The following TRAF3 variants were observed in gnomAD, a reference collection of about 807,000 sequenced individuals.
TRAF3 encodes the protein TNF receptor-associated factor 3.
A neutral mutation model predicts 62.3 loss-of-function variants in TRAF3; 13 were observed. The observed-to-expected ratio is 0.21, with a 90% CI of 0.14 to 0.33. The LOEUF (loss-of-function observed/expected upper bound fraction) is 0.33, where lower values mean the gene tolerates loss of function less well. Ranked by LOEUF, TRAF3 falls within the 10% of genes least tolerant of loss-of-function variation. TRAF3 has a pLI of 1.00. For synonymous variants in TRAF3, 269 were observed against 283.4 expected, an observed-to-expected ratio of 0.95 and a Z score of 0.51; for missense variants, 440 against 741.8, an observed-to-expected ratio of 0.59 and a Z score of 4.73.
In TRAF3 at chr14:102,908,859, T is replaced by A. The variant is rs1276304830; in HGVS notation, c.*3075T>A. 6.6e-6 allele frequency: 1 copy of A among 152,266 alleles called. No individual in the cohort carries two copies. The highest frequency in any genetic ancestry group is 6.5e-5 in the Admixed American group (1 of 15,292). The allele number at this position is 152,266 out of a possible 1,614,324, so 9.4% of individuals were successfully genotyped here. A position where few individuals can be genotyped will look rare whatever the true frequency, so the allele number is the denominator to read the frequency against. On this transcript the variant is annotated 3_prime_UTR_variant, in exon 12 of 12. Transcript: ENST00000392745. ...GGCTGCTCCCTGCTGCCAGGCACGC[T>A]GGTTGGCTGGCCTGGGCCCGGCTCA...
intron 2 of TRAF3, among the ~76,000 whole-genome samples, chr14:102,866,860 C>T (rs1888026284): frequency 7.1e-6 from 1 of 139,884 alleles, no homozygotes; most frequent in Non-Finnish European, 1.5e-5. Flanking sequence ...AACACACACA[C>T]ACACACACAC....
At chr14:102,788,980 A>G (rs1455446957) in intron 1 of TRAF3, among the ~76,000 whole-genome samples, 1 of 152,186 alleles carries the variant, frequency 6.6e-6, no homozygotes, top group Admixed American at 6.5e-5. Context: ...CTTAAAAAAG[A>G]AAAACAACTT....
intron 1 of TRAF3, among the ~76,000 whole-genome samples, chr14:102,822,158 T>TA (rs1900027319): frequency 6.6e-6 from 1 of 152,236 alleles, no homozygotes; most frequent in African/African-American, 2.4e-5. Flanking sequence ...AAAACCTGAA[T>TA]GTATTCTGGG....
chr14:102,900,179 G>GAAAAAAAAAAAAAAA (rs1566807952), intron 10 of TRAF3, among the ~76,000 whole-genome samples: 2 of 83,768 alleles, frequency 2.4e-5, no homozygotes, highest in African/African-American at 1.0e-4. Flanking sequence ...ACTCCGTCTC[G>GAAAAAAAAAAAAAAA]GAAAAAAAAA....
At chr14:102,889,670 C>T (rs1192967968) in intron 8 of TRAF3, 36 bp downstream of exon 8, 2 of 1,603,690 alleles carry the variant, frequency 1.2e-6, no homozygotes, top group Admixed American at 1.7e-5. Context: ...CAGTCACTGA[C>T]ATTCTGCCAT....
Position 102,832,596 on chromosome 14 carries a change from G to A in TRAF3, c.-18+2124G>A, listed in dbSNP as rs148748166. 2.5e-4 allele frequency among the ~76,000 whole-genome samples: 38 copies of A among 152,240 alleles called. 1 individual carries two copies. The East Asian group carries it at 6.8e-3, about 27-fold the overall frequency. Reference sequence around the variant, plus strand: ...GGCTGAGGCAGAATTGCTTGAACCCGGGAGGTGGAGGTTGCAGTGAGCCAA... The same window carrying A: ...GGCTGAGGCAGAATTGCTTGAACCCAGGAGGTGGAGGTTGCAGTGAGCCAA... On this transcript the variant is annotated intron_variant, in intron 2 of 11. Coordinates refer to ENST00000392745, the MANE Select transcript of TRAF3 (RefSeq NM_145725.3).
intron 2 of TRAF3, among the ~76,000 whole-genome samples, chr14:102,864,182 G>A (rs960909773): frequency 3.6e-5 from 5 of 139,234 alleles, no homozygotes; most frequent in Non-Finnish European, 6.1e-5. Context: ...GGATTCTTGC[G>A]CTCTCACCCG....
At chr14:102,840,075 A>G (rs1367115446) in intron 2 of TRAF3, among the ~76,000 whole-genome samples, 1 of 152,130 alleles carries the variant, frequency 6.6e-6, no homozygotes, top group African/African-American at 2.4e-5. Context: ...CCCCCAACCC[A>G]GGACTAGGGT....
chr14:102,789,883 A>C (rs1403895023), intron 1 of TRAF3, among the ~76,000 whole-genome samples: 1 of 151,370 alleles, frequency 6.6e-6, no homozygotes. Context: ...GCAGTGGTGC[A>C]GTGGCATGAT....
intron 2 of TRAF3, among the ~76,000 whole-genome samples, chr14:102,837,003 C>T (rs1886049904): frequency 6.6e-6 from 1 of 152,172 alleles, no homozygotes; most frequent in Non-Finnish European, 1.5e-5. Flanking sequence ...CTTCCATTCT[C>T]CCCTTGCTCT....
intron 1 of TRAF3, among the ~76,000 whole-genome samples, chr14:102,814,013 A>G (rs1284031864): frequency 6.6e-6 from 1 of 151,866 alleles, no homozygotes; most frequent in East Asian, 1.9e-4. Flanking sequence ...CATTTCCCCT[A>G]TGTTTTGTAG....
Position 102,905,887 on chromosome 14 carries a change from G to GA in TRAF3, c.*104dup. ...TCGCGCTCAGAAAAGGACCTTGTGA[G>GA]ACGGAGGAAGCGGCAGAAGGCGGAC... On this transcript the variant is annotated 3_prime_UTR_variant, in exon 12 of 12. Coordinates refer to ENST00000392745, the MANE Select transcript of TRAF3 (RefSeq NM_145725.3). 1 of 1,115,750 alleles carries GA rather than the reference G, an allele frequency of 9.0e-7. No homozygotes were observed. Among genetic ancestry groups the GA allele is most frequent in the Non-Finnish European group, 1.3e-6 (1 of 780,948 alleles). 69.1% of individuals were successfully genotyped at this position (1,115,750 alleles called of 1,614,324 possible).
At chr14:102,818,860 A>G (rs1899713118) in intron 1 of TRAF3, among the ~76,000 whole-genome samples, 1 of 152,168 alleles carries the variant, frequency 6.6e-6, no homozygotes, top group South Asian at 2.1e-4. Context: ...GAGGTGATGG[A>G]TAGATTAACT....
Position 102,826,826 on chromosome 14 carries a change from G to A in TRAF3, c.-156-3508G>A, listed in dbSNP as rs532173839. On this transcript the variant is annotated intron_variant, in intron 1 of 11. Transcript: ENST00000392745. The surrounding 1 kb of genome is among the most constrained non-coding windows in gnomAD (Gnocchi z 4.6). ...GGGGTGCCAGGGCTGCCAAAGGACA[G>A]CTGTTACTTATGGGTGGCGGCGTGG... 3.3e-5 allele frequency among the ~76,000 whole-genome samples: 5 copies of A among 152,318 alleles called. No homozygotes were observed. The South Asian group carries it at 1.0e-3, about 32-fold the overall frequency.
intron 2 of TRAF3, among the ~76,000 whole-genome samples, chr14:102,854,209 A>C (rs1887224587): frequency 2.0e-5 from 3 of 151,908 alleles, no homozygotes; most frequent in Admixed American, 1.3e-4. Flanking sequence ...AGCTGTTTCT[A>C]CTTTTTTTTT....
intron 2 of TRAF3, among the ~76,000 whole-genome samples, chr14:102,863,949 C>T (rs890895345): frequency 5.9e-5 from 9 of 152,092 alleles, no homozygotes; most frequent in African/African-American, 1.4e-4. Context: ...GTGCATGCAC[C>T]GGAGTGGCAG....
intron 2 of TRAF3, among the ~76,000 whole-genome samples, chr14:102,837,226 C>T (rs1304278007): frequency 6.6e-6 from 1 of 151,398 alleles, no homozygotes; most frequent in Non-Finnish European, 1.5e-5. Flanking sequence ...ATAGCCTCAA[C>T]CTCCTGGACT....
At chr14:102,794,493 AG>A (rs1223976018) in intron 1 of TRAF3, among the ~76,000 whole-genome samples, 20 of 152,212 alleles carry the variant, frequency 1.3e-4, no homozygotes, top group Admixed American at 6.6e-5. Flanking sequence ...TGGAGCTGCC[AG>A]TATCTTAAGC....
chr14:102,876,748 T>A (rs1217790061), intron 6 of TRAF3: 4 of 572,800 alleles, frequency 7.0e-6, no homozygotes, highest in Non-Finnish European at 1.2e-5. Context: ...AACTCATAGA[T>A]AATCCGTTCC....
Sources: allele counts gnomAD v4.1 joint callset (sites outside exome capture counted in the v4.1 genomes callset), GRCh38; gene constraint gnomAD v4.1.1; non-coding constraint Gnocchi (gnomAD v3.1); transcripts MANE v1.5; gene names NCBI Gene and HGNC (gene_info 2026-07-23, HGNC 2026-07-21).